LHFPL3: variants seen among roughly 807,000 people sequenced by gnomAD.
LHFPL3 encodes the protein LHFPL tetraspan subfamily member 3 protein.
A neutral mutation model predicts 19.3 loss-of-function variants in LHFPL3; 5 were observed. That is an observed-to-expected ratio of 0.26 (90% CI 0.14 to 0.54). LHFPL3 has a LOEUF of 0.54. LHFPL3 is among the 20% of genes least tolerant of loss of function. The probability of loss-of-function intolerance (pLI) is 0.94; values close to 1 mark genes in which losing one functional copy is unlikely to be tolerated. For missense variants in LHFPL3, 249 were observed against 307.4 expected (o/e 0.81, Z 1.42); for synonymous variants, 133 against 126.2 (o/e 1.05, Z -0.36).
chr7:104,735,867 G>T (rs1793806074), intron 1 of LHFPL3, among the ~76,000 whole-genome samples: 1 of 152,176 alleles, frequency 6.6e-6, no homozygotes, highest in Non-Finnish European at 1.5e-5. Flanking sequence ...TTCTTTATCA[G>T]TTCATCCATT....
intron 1 of LHFPL3, among the ~76,000 whole-genome samples, chr7:104,476,870 G>A (rs546407343): frequency 1.2e-3 from 178 of 152,320 alleles, no homozygotes; most frequent in Middle Eastern, 0.01. Flanking sequence ...CTCCATAGAA[G>A]CACGTATCAG....
At chr7:104,621,630 A>T (rs1392579819) in intron 1 of LHFPL3, among the ~76,000 whole-genome samples, 1 of 152,130 alleles carries the variant, frequency 6.6e-6, no homozygotes, top group East Asian at 1.9e-4. Flanking sequence ...GTCTGTGGAG[A>T]TAATGTCACA....
At chr7:104,714,926 T>C (rs891233498) in intron 1 of LHFPL3, among the ~76,000 whole-genome samples, 3 of 152,114 alleles carry the variant, frequency 2.0e-5, no homozygotes, top group African/African-American at 4.8e-5. Context: ...TATATATATA[T>C]ACACATATAT....
At chr7:104,852,376 C>T (rs190315735) in intron 2 of LHFPL3, among the ~76,000 whole-genome samples, 311 of 152,258 alleles carry the variant, frequency 2.0e-3, no homozygotes, top group Non-Finnish European at 3.3e-3. Context: ...GATCAGGACA[C>T]TAGGCAGGAA....
intron 2 of LHFPL3, among the ~76,000 whole-genome samples, chr7:104,747,368 G>C (rs1305706288): frequency 6.6e-6 from 1 of 152,212 alleles, no homozygotes; most frequent in East Asian, 1.9e-4. Context: ...GGGATGAGGT[G>C]TCCTTCAGAA....
chr7:104,453,934 T>C (rs972262683), intron 1 of LHFPL3, among the ~76,000 whole-genome samples: 1 of 152,226 alleles, frequency 6.6e-6, no homozygotes, highest in Non-Finnish European at 1.5e-5. Flanking sequence ...ATGCCAGCAC[T>C]GTGCTTCCTG....
intron 1 of LHFPL3, among the ~76,000 whole-genome samples, chr7:104,627,059 T>A (rs1374118436): frequency 6.6e-6 from 1 of 152,214 alleles, no homozygotes; most frequent in African/African-American, 2.4e-5. Flanking sequence ...CCACATGTTT[T>A]ACAGTAGATC....
chr7:104,328,827 C>T lies in LHFPL3; in HGVS notation c.48C>T (p.Leu16=), dbSNP rs745786414. The stretch of plus-strand genomic sequence containing the variant: ...CCGCCGCCGCCGCCGCCGCGATGCT[C>T]CCGGCTCAGGAGGCTGCCAAGCTGT... ...AAAAAAAAAM[L]PAQEAAKLYH... Residue 16 remains leucine, a synonymous_variant, in exon 1 of 3, where the codon CTC becomes CTT. Coordinates refer to ENST00000424859, the MANE Select transcript of LHFPL3 (RefSeq NM_199000.3). The surrounding 1 kb of genome is among the most constrained non-coding windows in gnomAD (Gnocchi z 4.6). The T allele has an allele frequency of 1.2e-6, 2 of 1,612,552 alleles. No individual in the cohort carries two copies. The highest frequency in any genetic ancestry group is 3.3e-5 in the Admixed American group (2 of 59,916).
At chr7:104,612,667 G>A (rs1266566977) in intron 1 of LHFPL3, among the ~76,000 whole-genome samples, 1 of 152,150 alleles carries the variant, frequency 6.6e-6, no homozygotes, top group Non-Finnish European at 1.5e-5. Context: ...GAAGACACCG[G>A]TGCTGAAACC....
intron 1 of LHFPL3, among the ~76,000 whole-genome samples, chr7:104,408,093 T>C (rs1791454937): frequency 6.6e-6 from 1 of 152,184 alleles, no homozygotes; most frequent in Non-Finnish European, 1.5e-5. Context: ...TTTATTGGAC[T>C]ATCTGCTTGG....
intron 1 of LHFPL3, among the ~76,000 whole-genome samples, chr7:104,452,474 A>G (rs1189108973): frequency 6.6e-6 from 1 of 152,172 alleles, no homozygotes; most frequent in Non-Finnish European, 1.5e-5. Flanking sequence ...TGCCCATTTT[A>G]AAGGCATTTT....
intron 1 of LHFPL3, among the ~76,000 whole-genome samples, chr7:104,497,249 A>G (rs1212631673): frequency 6.6e-6 from 1 of 151,430 alleles, no homozygotes; most frequent in Non-Finnish European, 1.5e-5. Context: ...AACATTGCAA[A>G]TTTACCCAGT....
At chr7:104,366,368 G>A (rs1409922283) in intron 1 of LHFPL3, among the ~76,000 whole-genome samples, 1 of 152,136 alleles carries the variant, frequency 6.6e-6, no homozygotes, top group Non-Finnish European at 1.5e-5. Flanking sequence ...CTTTATTTTG[G>A]TATCCCAGAC....
At chr7:104,621,185 G>C (rs1236950995) in intron 1 of LHFPL3, among the ~76,000 whole-genome samples, 3 of 152,172 alleles carry the variant, frequency 2.0e-5, no homozygotes, top group African/African-American at 7.2e-5. Context: ...ACTGATGCCA[G>C]TCCAAAAGTC....
At chr7:104,375,750 C>G (rs1395616456) in intron 1 of LHFPL3, among the ~76,000 whole-genome samples, 1 of 152,204 alleles carries the variant, frequency 6.6e-6, no homozygotes, top group Non-Finnish European at 1.5e-5. Context: ...ATCCTGGATT[C>G]TTTACCTAAC....
At chr7:104,483,288 T>C (rs1793171137) in intron 1 of LHFPL3, among the ~76,000 whole-genome samples, 1 of 152,164 alleles carries the variant, frequency 6.6e-6, no homozygotes, top group African/African-American at 2.4e-5. Context: ...GGAAAAAAAT[T>C]TCCCACAAGT....
At chr7:104,709,535 G>T (rs1395294917) in intron 1 of LHFPL3, among the ~76,000 whole-genome samples, 1 of 149,912 alleles carries the variant, frequency 6.7e-6, no homozygotes, top group East Asian at 2.0e-4. Context: ...GTTTCAGAGA[G>T]CACGGGGTTG....
chr7:104,790,173 C>T (rs1257470280), intron 2 of LHFPL3, among the ~76,000 whole-genome samples: 3 of 152,198 alleles, frequency 2.0e-5, no homozygotes, highest in Non-Finnish European at 4.4e-5. Flanking sequence ...AAATGCAATT[C>T]CAAGCGTTGA....
At chr7:104,657,715 A>G (rs1792145825) in intron 1 of LHFPL3, among the ~76,000 whole-genome samples, 1 of 152,136 alleles carries the variant, frequency 6.6e-6, no homozygotes, top group Non-Finnish European at 1.5e-5. Context: ...CATTCTCCCC[A>G]TGCATCTATC....
Sources: gnomAD v4.1 joint callset for allele counts (sites outside exome capture counted in the v4.1 genomes callset) on GRCh38, gnomAD v4.1.1 for gene constraint, Gnocchi (gnomAD v3.1) non-coding constraint, MANE v1.5 for transcripts, NCBI Gene and HGNC (gene_info 2026-07-23, HGNC 2026-07-21) for gene names.